USP33: variants seen among roughly 807,000 people sequenced by gnomAD.
USP33 encodes the protein ubiquitin carboxyl-terminal hydrolase 33.
Under a neutral mutation model 124.2 loss-of-function variants are expected in USP33, and 46 were observed. The ratio of observed to expected loss-of-function variants is 0.37; its 90% CI spans 0.29 to 0.47. The LOEUF (loss-of-function observed/expected upper bound fraction) is 0.47, where lower values mean the gene tolerates loss of function less well. Ranked by LOEUF, USP33 falls within the 20% of genes least tolerant of loss-of-function variation. The pLI is 0.99. For synonymous variants in USP33, 350 were observed against 352.3 expected (o/e 0.99, Z 0.07); for missense variants, 851 against 1,070.6 (o/e 0.79, Z 2.86).
chr1:77,718,664 C>A, intron 15 of USP33, 23 bp from the exon 16 acceptor site: 2 of 1,575,112 alleles, frequency 1.3e-6, no homozygotes, highest in South Asian at 2.3e-5. Flanking sequence ...AAGAGAAAAT[C>A]AATTAGTCTA....
chr1:77,751,187 T>C (rs1045023527), intron 1 of USP33, among the ~76,000 whole-genome samples: 2 of 152,220 alleles, frequency 1.3e-5, no homozygotes, highest in Admixed American at 6.5e-5. Flanking sequence ...ATCTTGTATC[T>C]GGCAGCTTTT....
chr1:77,725,900 CT>C, intron 10 of USP33, 138 bp from the exon 11 acceptor site: 1 of 851,926 alleles, frequency 1.2e-6, no homozygotes, highest in Non-Finnish European at 1.7e-6. Flanking sequence ...TAACAAAGTG[CT>C]TACTAAGCAA....
intron 12 of USP33, 140 bp from the exon 13 acceptor site, chr1:77,722,336 A>G (rs1676659848): frequency 1.2e-6 from 1 of 801,432 alleles, no homozygotes; most frequent in Non-Finnish European, 1.9e-6. Context: ...CGCAAATTGA[A>G]CTGCTTTCAT....
intron 4 of USP33, 43 bp from the exon 5 acceptor site, chr1:77,739,460 C>T: frequency 6.6e-7 from 1 of 1,516,584 alleles, no homozygotes; most frequent in South Asian, 1.4e-5. Flanking sequence ...ACCAAAATTA[C>T]ATATACTTGA....
intron 8 of USP33, 23 bp from the exon 9 acceptor site, chr1:77,729,961 A>T (rs1371828034): frequency 3.2e-6 from 5 of 1,575,528 alleles, no homozygotes; most frequent in Non-Finnish European, 4.3e-6. Flanking sequence ...ACATTTTTAA[A>T]GAGCAATTTT....
intron 10 of USP33, among the ~76,000 whole-genome samples, chr1:77,726,831 T>C (rs1677219852): frequency 6.6e-6 from 1 of 152,160 alleles, no homozygotes; most frequent in African/African-American, 2.4e-5. Context: ...GAAAGAATCT[T>C]TTTTTAGAAT....
chr1:77,712,540 G>A (rs577175417), intron 20 of USP33, among the ~76,000 whole-genome samples: 49 of 152,086 alleles, frequency 3.2e-4, no homozygotes, highest in Non-Finnish European at 5.3e-4. Flanking sequence ...TAAAGTTTAC[G>A]ATGTTAAGGC....
intron 7 of USP33, among the ~76,000 whole-genome samples, chr1:77,732,603 C>A (rs953341788): frequency 1.3e-5 from 2 of 152,040 alleles, no homozygotes; most frequent in African/African-American, 4.8e-5. Flanking sequence ...ATAACCTAGA[C>A]CCATGTCATT....
chr1:77,759,560 C>G, intron 1 of USP33, 83 bp downstream of exon 1: 1 of 398,126 alleles, frequency 2.5e-6, no homozygotes, highest in South Asian at 1.3e-4. Context: ...CCCCAGCGCG[C>G]GGAAGCGAGA....
Position 77,697,768 on chromosome 1 carries a change from T to G in USP33, c.2578+95A>C, listed in dbSNP as rs1481606804. 1.7e-5 allele frequency: 21 copies of G among 1,252,584 alleles called. No individual in the cohort carries two copies. The South Asian group carries it at 2.9e-4, about 17-fold the overall frequency. 77.6% of individuals were successfully genotyped at this position (1,252,584 alleles called of 1,614,324 possible). A position where few individuals can be genotyped will look rare whatever the true frequency, so the allele number is the denominator to read the frequency against. Reference sequence around the variant, plus strand: ...TTAATGTATGGATTACATTCTTCAGTTGAATAAAAAAGTACTATAGATGAC... The same window carrying G: ...TTAATGTATGGATTACATTCTTCAGGTGAATAAAAAAGTACTATAGATGAC... On this transcript the variant is annotated intron_variant, in intron 23 of 23. Transcript: ENST00000370794.
chr1:77,758,565 C>T (rs1272371858), intron 1 of USP33, among the ~76,000 whole-genome samples: 1 of 152,114 alleles, frequency 6.6e-6, no homozygotes, highest in Non-Finnish European at 1.5e-5. Context: ...ATAAAACTAG[C>T]ATTGTCTTTA....
At chr1:77,748,779 T>TCCCCCCC (rs1553201472) in intron 1 of USP33, among the ~76,000 whole-genome samples, 7 of 47,630 alleles carry the variant, frequency 1.5e-4, no homozygotes, top group African/African-American at 4.9e-4. Flanking sequence ...ATTCCTTCCC[T>TCCCCCCC]CCCCCCCCCC....
intron 21 of USP33, among the ~76,000 whole-genome samples, chr1:77,705,244 G>T (rs1254808115): frequency 6.6e-6 from 1 of 151,210 alleles, no homozygotes; most frequent in Non-Finnish European, 1.5e-5. Flanking sequence ...ATCCAGGCTG[G>T]AGTGCAGTGG....
At chr1:77,708,338 G>A (rs1185556600) in intron 21 of USP33, among the ~76,000 whole-genome samples, 1 of 152,094 alleles carries the variant, frequency 6.6e-6, no homozygotes, top group Non-Finnish European at 1.5e-5. Context: ...GGCAGCTTTG[G>A]GCAGGCTTGA....
chr1:77,720,760 A>G (rs1676477735), intron 15 of USP33, among the ~76,000 whole-genome samples: 1 of 152,224 alleles, frequency 6.6e-6, no homozygotes, highest in African/African-American at 2.4e-5. Context: ...ATCAGACTTT[A>G]GCTGTCTTTC....
intron 1 of USP33, among the ~76,000 whole-genome samples, chr1:77,743,839 G>A (rs1238293972): frequency 6.6e-6 from 1 of 152,106 alleles, no homozygotes; most frequent in Non-Finnish European, 1.5e-5. Flanking sequence ...TCTTTAAAAA[G>A]TTCAAAAAGG....
rs1677409103 is a variant in USP33, at chr1:77,728,423, T to A, written c.1007A>T (p.Lys336Met). 6 of 1,614,118 alleles carry A rather than the reference T, an allele frequency of 3.7e-6. No individual in the cohort carries two copies. The highest frequency in any genetic ancestry group is 5.1e-6 in the Non-Finnish European group (6 of 1,180,008). ...TACTTTATTAATCTTATTGCACATCTTCTCTTTTTGCCAATCCTTTGACAT... is the reference window on the plus strand; with the variant it reads ...TACTTTATTAATCTTATTGCACATCATCTCTTTTTGCCAATCCTTTGACAT... ...SEMSKDWQKEKMCNKINKVNS... is the reference protein window; with the variant it reads ...SEMSKDWQKEMMCNKINKVNS... Residue 336 changes from lysine to methionine, a missense_variant, in exon 10 of 24, where the codon AAG becomes ATG. Physicochemically the swap from Lys to Met is moderately conservative, Grantham distance 95. Around this residue, in one of 4 missense-constraint regions of USP33, gnomAD observed 207 missense variants for 200.9 expected, o/e 1.03. Transcript: ENST00000370794.
chr1:77,714,937 A>C, intron 18 of USP33, 154 bp from the exon 19 acceptor site: 3 of 717,260 alleles, frequency 4.2e-6, no homozygotes, highest in Non-Finnish European at 6.8e-6. Context: ...TTATCCACCA[A>C]ATACATTATA....
chr1:77,717,789 C>T, intron 17 of USP33, 78 bp downstream of exon 17: 3 of 1,311,844 alleles, frequency 2.3e-6, no homozygotes, highest in Non-Finnish European at 3.0e-6. Flanking sequence ...GCTGGTATTA[C>T]AGGTATGAGC....
Sources: gnomAD v4.1 joint callset for allele counts (sites outside exome capture counted in the v4.1 genomes callset) on GRCh38, gnomAD v4.1.1 for gene constraint, gnomAD v4.1.1 regional missense constraint, MANE v1.5 for transcripts, NCBI Gene and HGNC (gene_info 2026-07-23, HGNC 2026-07-21) for gene names.